Variants in CSMD3 observed in about 807,000 individuals in gnomAD.
CSMD3 encodes CUB and sushi domain-containing protein 3.
In CSMD3, 177 loss-of-function variants were observed where a neutral mutation model predicts 435.2. The ratio of observed to expected loss-of-function variants is 0.41; its 90% CI spans 0.36 to 0.46. The LOEUF is 0.46. CSMD3 is among the 20% of genes least tolerant of loss of function. The pLI is 0.34. For missense variants in CSMD3, 4,265 were observed against 4,504.6 expected (o/e 0.95, Z 1.52); for synonymous variants, 1,656 against 1,520.5 (o/e 1.09, Z -2.07).
intron 12 of CSMD3, among the ~76,000 whole-genome samples, chr8:112,829,219 G>T (rs2079790370): frequency 6.6e-6 from 1 of 152,072 alleles, no homozygotes; most frequent in African/African-American, 2.4e-5. Flanking sequence ...AATATAGATT[G>T]ATAAATTCAC....
chr8:112,994,488 A>G (rs535211865), intron 6 of CSMD3, among the ~76,000 whole-genome samples: 6 of 151,822 alleles, frequency 4.0e-5, no homozygotes, highest in African/African-American at 9.6e-5. Flanking sequence ...AAATTATCAT[A>G]CAGGAAATTA....
At chr8:112,280,601 CTATT>C (rs79591856) in intron 59 of CSMD3, among the ~76,000 whole-genome samples, 30,443 of 151,866 alleles carry the variant, frequency 0.2, 3,608 homozygotes, top group East Asian at 0.36. Flanking sequence ...TGGTTAAATA[CTATT>C]TATTTTATAA....
chr8:112,773,905 GA>G (rs1310532038), intron 13 of CSMD3, among the ~76,000 whole-genome samples: 1 of 151,990 alleles, frequency 6.6e-6, no homozygotes, highest in Non-Finnish European at 1.5e-5. Flanking sequence ...GAGCTTTTAG[GA>G]AAGCAAGATA....
intron 16 of CSMD3, among the ~76,000 whole-genome samples, chr8:112,675,996 G>A (rs760726741): frequency 3.9e-5 from 6 of 152,082 alleles, no homozygotes; most frequent in Non-Finnish European, 7.4e-5. Context: ...AAGGAGTCAG[G>A]AAAGATTTGA....
intron 3 of CSMD3, among the ~76,000 whole-genome samples, chr8:113,245,054 G>C (rs564529201): frequency 6.6e-6 from 1 of 152,056 alleles, no homozygotes; most frequent in Non-Finnish European, 1.5e-5. Flanking sequence ...AATTCAAACA[G>C]TTATCGTCTT....
intron 22 of CSMD3, among the ~76,000 whole-genome samples, chr8:112,625,360 A>G (rs1018366039): frequency 3.3e-5 from 5 of 152,252 alleles, no homozygotes; most frequent in African/African-American, 1.2e-4. Context: ...CAGAAAAACA[A>G]AGCAATGTCT....
chr8:112,375,543 C>T (rs1256975768), intron 38 of CSMD3, among the ~76,000 whole-genome samples: 1 of 151,926 alleles, frequency 6.6e-6, no homozygotes. Flanking sequence ...TTATTAGCAC[C>T]TATTATGTGT....
intron 12 of CSMD3, among the ~76,000 whole-genome samples, chr8:112,818,422 T>C (rs2079439258): frequency 6.6e-6 from 1 of 152,152 alleles, no homozygotes; most frequent in Non-Finnish European, 1.5e-5. Context: ...AATTTACTTG[T>C]AAAATAATTT....
At chr8:113,190,041 T>A (rs1193380322) in intron 3 of CSMD3, among the ~76,000 whole-genome samples, 1 of 151,736 alleles carries the variant, frequency 6.6e-6, no homozygotes, top group Non-Finnish European at 1.5e-5. Context: ...AATTTTTTTT[T>A]ATTCATTTAT....
intron 36 of CSMD3, among the ~76,000 whole-genome samples, chr8:112,384,080 C>G (rs748474472): frequency 8.1e-5 from 12 of 148,072 alleles, no homozygotes; most frequent in Non-Finnish European, 1.6e-4. Flanking sequence ...CTGTGGTCTA[C>G]AAGCCTGTAG....
chr8:112,283,664 T>A (rs1028865221), intron 58 of CSMD3, among the ~76,000 whole-genome samples: 8 of 151,724 alleles, frequency 5.3e-5, no homozygotes, highest in Non-Finnish European at 1.0e-4. Flanking sequence ...TGGTTTTCCA[T>A]ACAGTTAATA....
chr8:112,709,786 C>T (rs1389083101), intron 13 of CSMD3, among the ~76,000 whole-genome samples: 2 of 151,778 alleles, frequency 1.3e-5, no homozygotes, highest in Non-Finnish European at 1.5e-5. Flanking sequence ...AAGCACAAAA[C>T]GAAAAGAGGC....
chr8:112,390,854 G>A (rs1001507506), intron 35 of CSMD3, 66 bp from the exon 36 acceptor site: 2 of 1,438,456 alleles, frequency 1.4e-6, no homozygotes, highest in Non-Finnish European at 2.0e-6. Flanking sequence ...AAGAGTAAAG[G>A]TCAGAGATAA....
chr8:113,423,522 G>A (rs1366599797), intron 1 of CSMD3, among the ~76,000 whole-genome samples: 2 of 151,894 alleles, frequency 1.3e-5, no homozygotes, highest in East Asian at 1.9e-4. Flanking sequence ...GAGTTGAAAG[G>A]CAGCACAGAG....
In CSMD3 at chr8:112,233,106, T is replaced by A. The variant is rs75529255; in HGVS notation, c.10740+1259A>T. 3.7e-3 allele frequency among the ~76,000 whole-genome samples: 571 copies of A among 152,342 alleles called. 4 individuals carry two copies. The highest frequency in any genetic ancestry group is 0.013 in the African/African-American group (545 of 41,588). ...AAAATACTTTATATGCATAATGTAA[T>A]TTGATCTTATAAGTAAAATAGGAAA... On this transcript the variant is annotated intron_variant, in intron 68 of 70. Transcript: ENST00000297405.
At chr8:112,349,300 C>T (rs1825937068) in intron 40 of CSMD3, among the ~76,000 whole-genome samples, 1 of 151,846 alleles carries the variant, frequency 6.6e-6, no homozygotes, top group Non-Finnish European at 1.5e-5. Context: ...TTTGACATTT[C>T]AAATTTTGAA....
At chr8:113,229,555 T>C (rs750599454) in intron 3 of CSMD3, among the ~76,000 whole-genome samples, 1 of 151,558 alleles carries the variant, frequency 6.6e-6, no homozygotes, top group Admixed American at 6.6e-5. Flanking sequence ...CCTAGAGACT[T>C]GGGCATATTG....
chr8:113,349,487 T>TA (rs2094175134), intron 1 of CSMD3, among the ~76,000 whole-genome samples: 1 of 151,862 alleles, frequency 6.6e-6, no homozygotes, highest in African/African-American at 2.4e-5. Flanking sequence ...AAAGAAAAAA[T>TA]TTTAAAGCTC....
At chr8:112,857,157 A>G (rs1414802796) in intron 11 of CSMD3, among the ~76,000 whole-genome samples, 1 of 151,714 alleles carries the variant, frequency 6.6e-6, no homozygotes, top group African/African-American at 2.4e-5. Flanking sequence ...ATTGTGGCTC[A>G]TGATGAATAA....
Sources: gnomAD v4.1 joint callset for allele counts (sites outside exome capture counted in the v4.1 genomes callset) on GRCh38, gnomAD v4.1.1 for gene constraint, MANE v1.5 for transcripts, NCBI Gene and HGNC (gene_info 2026-07-23, HGNC 2026-07-21) for gene names.